ALYREF: variants seen among roughly 807,000 people sequenced by gnomAD.
The protein encoded by ALYREF is THO complex subunit 4.
In ALYREF, 1 loss-of-function variant was observed where a neutral mutation model predicts 25.2. The ratio of observed to expected loss-of-function variants is 0.04; its 90% CI spans 0.01 to 0.19. The LOEUF is 0.19. Ranked by LOEUF, ALYREF falls within the 10% of genes least tolerant of loss-of-function variation. The pLI, the probability that ALYREF is intolerant of heterozygous loss-of-function variation, is 1.00. For synonymous variants in ALYREF, 193 were observed against 153.5 expected, an observed-to-expected ratio of 1.26 and a Z score of -1.90; for missense variants, 328 against 375.6, an observed-to-expected ratio of 0.87 and a Z score of 1.05.
At chr17:81,889,515 T>A (rs1275423703) in intron 2 of ALYREF, among the ~76,000 whole-genome samples, 186 bp from the exon 3 acceptor site, 2 of 152,186 alleles carry the variant, frequency 1.3e-5, no homozygotes, top group Non-Finnish European at 2.9e-5. Flanking sequence ...CACCTGGGTC[T>A]GAGGGCTCCT....
rs1461488425 is a variant in ALYREF, at chr17:81,891,384, G to T, written c.197C>A (p.Pro66Gln). 1.8e-6 allele frequency: 2 copies of T among 1,122,888 alleles called. No homozygotes were observed. The highest frequency in any genetic ancestry group is 4.8e-5 in the Admixed American group (1 of 20,960). The allele number at this position is 1,122,888 out of a possible 1,614,324, so 69.6% of individuals were successfully genotyped here. A position where few individuals can be genotyped will look rare whatever the true frequency, so the allele number is the denominator to read the frequency against. Residue 66 changes from proline (P) to glutamine (Q), a missense_variant, in exon 1 of 6, where the codon CCG (proline) becomes CAG (glutamine). By Grantham distance (76) the Pro-to-Gln change is moderately conservative. Transcript: ENST00000505490. ...GCCGGCCGCGCCGCGGGCGATGGCCGGCCGGTTCCGGATGGGCCCGCCGCC... is the reference window on the plus strand; with the variant it reads ...GCCGGCCGCGCCGCGGGCGATGGCCTGCCGGTTCCGGATGGGCCCGCCGCC... The part of the protein sequence containing the change: ...NRGGGPIRNR[P>Q]AIARGAAGGG...
intron 1 of ALYREF, chr17:81,891,047 C>G: frequency 1.4e-6 from 1 of 708,638 alleles, no homozygotes; most frequent in Non-Finnish European, 2.3e-6. Context: ...CCGCCTGTGC[C>G]GCGCCCAGCG....
chr17:81,888,175 T>A lies in ALYREF; in HGVS notation c.781-30A>T, dbSNP rs547543660. 6 of 1,614,114 alleles carry A rather than the reference T, an allele frequency of 3.7e-6. No individual in the cohort carries two copies. The South Asian group carries it at 6.6e-5, about 18-fold the overall frequency. ...AACACAGAGGAGAAAGAGGCTTGCA[T>A]TCACAGGCGGCCTGCTCCCCACTGC... On this transcript the variant is annotated intron_variant, in intron 5 of 5. Transcript: ENST00000505490. This position sits in a 1 kb window ranked among gnomAD's most constrained non-coding sequence, Gnocchi z 5.8.
Position 81,887,960 on chromosome 17 carries a change from A to T in ALYREF, c.*171T>A. On this transcript the variant is annotated 3_prime_UTR_variant, in exon 6 of 6. Coordinates refer to ENST00000505490, the MANE Select transcript of ALYREF (RefSeq NM_005782.4). Reference sequence around the variant, plus strand: ...ACAAAACAGGTCTGTTTCAGAATTAAAAAAAAAAAAAAAGAAAAAAAAAAA... The same window carrying T: ...ACAAAACAGGTCTGTTTCAGAATTATAAAAAAAAAAAAAGAAAAAAAAAAA... 1.9e-6 allele frequency: 1 copy of T among 518,428 alleles called. No homozygotes were observed. 32.1% of individuals were successfully genotyped at this position (518,428 alleles called of 1,614,324 possible).
Position 81,888,040 on chromosome 17 carries a change from C to T in ALYREF, c.*91G>A, listed in dbSNP as rs946223257. On this transcript the variant is annotated 3_prime_UTR_variant, in exon 6 of 6. Transcript: ENST00000505490. This position sits in a 1 kb window ranked among gnomAD's most constrained non-coding sequence, Gnocchi z 5.8. ...TAAAACATAAAAGAAACAAATCCAT[C>T]ATTGGCCGCACAGCCCCAGCCACCG... 11 of 1,484,308 alleles carry T rather than the reference C, an allele frequency of 7.4e-6. No homozygotes were observed. Among genetic ancestry groups the T allele is most frequent in the South Asian group, 1.2e-5 (1 of 82,902 alleles). The allele number at this position is 1,484,308 out of a possible 1,614,324, so 91.9% of individuals were successfully genotyped here. A position where few individuals can be genotyped will look rare whatever the true frequency, so the allele number is the denominator to read the frequency against.
At position 81,891,567 on chromosome 17, in the gene ALYREF, G is replaced by T. The variant is rs1234863875; in HGVS notation, c.14C>A (p.Ala5Glu). The T allele has an allele frequency of 4.9e-6, 7 of 1,437,692 alleles. No homozygotes were observed. Among genetic ancestry groups the T allele is most frequent in the Non-Finnish European group, 5.5e-6 (6 of 1,094,376 alleles). 89.1% of individuals were successfully genotyped at this position (1,437,692 alleles called of 1,614,324 possible). The change falls in exon 1 of 6, where the codon GCG (alanine) becomes GAG (glutamate). Residue 5 changes from alanine (A) to glutamate (E), a missense_variant. Coordinates refer to ENST00000505490, the MANE Select transcript of ALYREF (RefSeq NM_005782.4). MPDS[A>E]PAMADKMDMS... ...GTCCATTTTGTCGGCCATGGCGGGCGCGGAATCGGGCATCGGCTCGAGCCC... is the reference window on the plus strand; with the variant it reads ...GTCCATTTTGTCGGCCATGGCGGGCTCGGAATCGGGCATCGGCTCGAGCCC...
rs1234241491 is a variant in ALYREF at position 81,888,758 on chromosome 17, C to G, written c.539-175G>C. The G allele has an allele frequency of 5.5e-6, 8 of 1,453,494 alleles. No homozygotes were observed. Among genetic ancestry groups the G allele is most frequent in the Non-Finnish European group, 7.3e-6 (8 of 1,102,238 alleles). 90.0% of individuals were successfully genotyped at this position (1,453,494 alleles called of 1,614,324 possible). On this transcript the variant is annotated intron_variant, in intron 3 of 5. Coordinates refer to ENST00000505490, the MANE Select transcript of ALYREF (RefSeq NM_005782.4). The surrounding 1 kb of genome is among the most constrained non-coding windows in gnomAD (Gnocchi z 5.8). Reference sequence around the variant, plus strand: ...GTGGGAGAACAAAATGGCAAGGAAGCAACCCCACCAACACCTCCTCACTCC... The same window carrying G: ...GTGGGAGAACAAAATGGCAAGGAAGGAACCCCACCAACACCTCCTCACTCC...
chr17:81,890,539 G>C (rs1053992582), intron 2 of ALYREF, 150 bp downstream of exon 2: 1 of 1,216,396 alleles, frequency 8.2e-7, no homozygotes, highest in African/African-American at 1.5e-5. Context: ...ACTGACCCCG[G>C]CTTTACTAGC....
At chr17:81,890,142 TC>T (rs897771776) in intron 2 of ALYREF, among the ~76,000 whole-genome samples, 1 of 152,136 alleles carries the variant, frequency 6.6e-6, no homozygotes, top group African/African-American at 2.4e-5. Context: ...ATTCAATTTT[TC>T]TTTTTTTAAA....
rs1461949755 is a variant in ALYREF at position 81,888,731 on chromosome 17, T to C, written c.539-148A>G. 8.2e-6 allele frequency: 12 copies of C among 1,467,916 alleles called. No homozygotes were observed. The highest frequency in any genetic ancestry group is 9.0e-6 in the Non-Finnish European group (10 of 1,105,730). 90.9% of individuals were successfully genotyped at this position (1,467,916 alleles called of 1,614,324 possible). On this transcript the variant is annotated intron_variant, in intron 3 of 5. Coordinates refer to ENST00000505490, the MANE Select transcript of ALYREF (RefSeq NM_005782.4). The surrounding 1 kb of genome is among the most constrained non-coding windows in gnomAD (Gnocchi z 5.8). ...GACAAGGGAAATGGCCTGGAGATAC[T>C]GGTGGGAGAACAAAATGGCAAGGAA...
In ALYREF at chr17:81,888,505, G is replaced by C; in HGVS notation, c.602+15C>G. On this transcript the variant is annotated intron_variant, in intron 4 of 5. Transcript: ENST00000505490. This position sits in a 1 kb window ranked among gnomAD's most constrained non-coding sequence, Gnocchi z 5.8. ...CCCTCGGCCAATCCCCTTCCCCAGA[G>C]GCCCCGGAAGTCACCTCTGTGCAGG... 2 of 1,599,832 alleles carry C rather than the reference G, an allele frequency of 1.3e-6. No individual in the cohort carries two copies. The highest frequency in any genetic ancestry group is 8.5e-7 in the Non-Finnish European group (1 of 1,172,284).
In ALYREF at chr17:81,888,231, CG is replaced by C. The variant is rs775821131; in HGVS notation, c.780+9del. 1 of 1,613,484 alleles carries C rather than the reference CG, an allele frequency of 6.2e-7. No individual in the cohort carries two copies. The highest frequency in any genetic ancestry group is 1.3e-5 in the African/African-American group (1 of 75,014). The stretch of plus-strand genomic sequence containing the variant: ...TGACCAGGCCCCCAGCTGGCTCCCC[CG>C]GGACTCACTCTCGCATTATAGGCGT... On this transcript the variant is annotated intron_variant, in intron 5 of 5. Transcript: ENST00000505490. This position sits in a 1 kb window ranked among gnomAD's most constrained non-coding sequence, Gnocchi z 5.8.
intron 1 of ALYREF, 179 bp from the exon 2 acceptor site, chr17:81,890,999 C>T: frequency 1.1e-6 from 1 of 936,314 alleles, no homozygotes; most frequent in Non-Finnish European, 1.6e-6. Flanking sequence ...GGTCCCACCG[C>T]GGCCGCACAA....
intron 1 of ALYREF, chr17:81,891,048 G>A (rs2039514336): frequency 5.7e-6 from 4 of 707,420 alleles, no homozygotes; most frequent in African/African-American, 3.6e-5. Flanking sequence ...CGCCTGTGCC[G>A]CGCCCAGCGT....
At position 81,889,334 on chromosome 17, in the gene ALYREF, G is replaced by A. The variant is rs988149685; in HGVS notation, c.391-5C>T. On this transcript the variant is annotated splice_region_variant and splice_polypyrimidine_tract_variant and intron_variant, in intron 2 of 5. Coordinates refer to ENST00000505490, the MANE Select transcript of ALYREF (RefSeq NM_005782.4). ...TCCAAATTCAGCAAAGAGTTCCTGG[G>A]AGTTGCAGAGAGCAGTTGTCAGAAA... The A allele has an allele frequency of 1.9e-5, 31 of 1,613,368 alleles. No individual in the cohort carries two copies. Among genetic ancestry groups the A allele is most frequent in the Middle Eastern group, 1.7e-4 (1 of 6,058 alleles).
At position 81,890,755 on chromosome 17, in the gene ALYREF, G is replaced by A. The variant is rs571258401; in HGVS notation, c.324C>T (p.Gly108=). 1.2e-5 allele frequency: 19 copies of A among 1,614,022 alleles called. No homozygotes were observed. Among genetic ancestry groups the A allele is most frequent in the Middle Eastern group, 1.6e-4 (1 of 6,062 alleles). The change falls in exon 2 of 6, where the codon GGC becomes GGT. Residue 108 remains glycine, a synonymous_variant. Coordinates refer to ENST00000505490, the MANE Select transcript of ALYREF (RefSeq NM_005782.4). The part of the protein sequence containing the change: ...LFDSGFGGGA[G]VETGGKLLVS... ...CCAGCAGTTTCCCACCTGTCTCCAC[G>A]CCGGCACCACCGCCGAAGCCACTGT...
At chr17:81,889,424 G>T in intron 2 of ALYREF, 95 bp from the exon 3 acceptor site, 1 of 1,455,196 alleles carries the variant, frequency 6.9e-7, no homozygotes, top group Non-Finnish European at 9.5e-7. Flanking sequence ...GTTGCTTTGG[G>T]GGTGGTTCTC....
Position 81,889,276 on chromosome 17 carries a change from G to A in ALYREF, c.444C>T (p.Arg148=), listed in dbSNP as rs141281593. The change falls in exon 3 of 6, where the codon CGC becomes CGT. Residue 148 remains arginine, a synonymous_variant. Transcript: ENST00000505490. ...CTGCTGTTCCTAAGCTGCGACCAGA[G>A]CGATCATAGTGCACAGCCGCCTTCT... The part of the protein sequence containing the change: ...TLKKAAVHYD[R]SGRSLGTADV... The A allele has an allele frequency of 4.2e-3, 6,740 of 1,614,242 alleles. 21 individuals carry two copies. The highest frequency in any genetic ancestry group is 0.011 in the South Asian group (1,004 of 91,090).
chr17:81,889,195 G>A lies in ALYREF; in HGVS notation c.525C>T (p.Gly175=), dbSNP rs751875394. Residue 175 remains glycine, a synonymous_variant, in exon 3 of 6, where the codon GGC becomes GGT. Coordinates refer to ENST00000505490, the MANE Select transcript of ALYREF (RefSeq NM_005782.4). Reference sequence around the variant, plus strand: ...CCCCAGACTCACCATCCAGAGGGACGCCGTTGTACTGCTTCATGGCCTTCA... The same window carrying A: ...CCCCAGACTCACCATCCAGAGGGACACCGTTGTACTGCTTCATGGCCTTCA... ...DALKAMKQYN[G]VPLDGRPMNI... 11 of 1,614,124 alleles carry A rather than the reference G, an allele frequency of 6.8e-6. No homozygotes were observed. The highest frequency in any genetic ancestry group is 1.6e-4 in the Middle Eastern group (1 of 6,062).
Sources: allele counts gnomAD v4.1 joint callset (sites outside exome capture counted in the v4.1 genomes callset), GRCh38; gene constraint gnomAD v4.1.1; non-coding constraint Gnocchi (gnomAD v3.1); transcripts MANE v1.5; gene names NCBI Gene and HGNC (gene_info 2026-07-23, HGNC 2026-07-21).